CMC2: variants seen among roughly 807,000 people sequenced by gnomAD.
The protein encoded by CMC2 is C-X9-C motif containing 2.
A neutral mutation model predicts 7.5 loss-of-function variants in CMC2; 5 were observed. The ratio of observed to expected loss-of-function variants is 0.66; its 90% CI spans 0.35 to 1.40. The LOEUF is 1.40. Among genes scored for constraint, CMC2 ranks in the 40% most tolerant of loss-of-function variants. The probability of loss-of-function intolerance (pLI) is 0.04; values close to 1 mark genes in which losing one functional copy is unlikely to be tolerated. For missense variants in CMC2, 115 were observed against 92.3 expected (o/e 1.25, Z -1.01); for synonymous variants, 37 against 31.4 (o/e 1.18, Z -0.60).
intron 1 of CMC2, among the ~76,000 whole-genome samples, chr16:81,003,032 C>T (rs181998267): frequency 6.6e-6 from 1 of 152,186 alleles, no homozygotes; most frequent in Admixed American, 6.5e-5. Flanking sequence ...TGTTCTTCCT[C>T]CCCTTGCCCT....
intron 1 of CMC2, among the ~76,000 whole-genome samples, chr16:80,999,707 A>C (rs1968713554): frequency 6.6e-6 from 1 of 152,242 alleles, no homozygotes; most frequent in African/African-American, 2.4e-5. Flanking sequence ...CTCCTACAAA[A>C]ACACACACAT....
chr16:80,977,431 G>A (rs964946113), intron 3 of CMC2, among the ~76,000 whole-genome samples: 1 of 152,056 alleles, frequency 6.6e-6, no homozygotes, highest in Non-Finnish European at 1.5e-5. Context: ...TTTTCCCCTG[G>A]GCAGAAGGGG....
In CMC2 at chr16:80,975,868, T is replaced by G; in HGVS notation, c.*225A>C. 4.8e-6 allele frequency: 2 copies of G among 420,958 alleles called. No homozygotes were observed. Among genetic ancestry groups the G allele is most frequent in the Non-Finnish European group, 8.4e-6 (2 of 237,120 alleles). 26.1% of individuals were successfully genotyped at this position (420,958 alleles called of 1,614,324 possible). The stretch of plus-strand genomic sequence containing the variant: ...ATTAACTGGTTGTAGGCAAAGGGAA[T>G]AAACATGGTGAAGTCAGGTTTGCTG... On this transcript the variant is annotated 3_prime_UTR_variant, in exon 4 of 4. Coordinates refer to ENST00000219400, the MANE Select transcript of CMC2 (RefSeq NM_020188.5).
chr16:80,979,514 T>A (rs969243112), intron 3 of CMC2, among the ~76,000 whole-genome samples: 1 of 152,104 alleles, frequency 6.6e-6, no homozygotes, highest in Non-Finnish European at 1.5e-5. Flanking sequence ...AAAAAACCTA[T>A]GTTATACAGC....
chr16:80,992,696 T>C (rs1463180087), intron 2 of CMC2, among the ~76,000 whole-genome samples: 1 of 129,242 alleles, frequency 7.7e-6, no homozygotes, highest in Admixed American at 9.6e-5. Context: ...TGGCCTCTTA[T>C]TCCCCCTCCT....
At chr16:80,999,093 A>T (rs1318334618) in intron 1 of CMC2, 1 of 152,186 alleles carries the variant, frequency 6.6e-6, no homozygotes, top group Non-Finnish European at 1.5e-5. Flanking sequence ...TTCCTAGCCA[A>T]AGCAATCAGT....
At chr16:81,006,306 C>T (rs576666540) in intron 1 of CMC2, among the ~76,000 whole-genome samples, 7 of 152,366 alleles carry the variant, frequency 4.6e-5, no homozygotes, top group East Asian at 1.9e-4. Flanking sequence ...CCGTTTTCTA[C>T]CCGCAAATTC....
At chr16:80,985,679 G>A (rs1268491431) in intron 2 of CMC2, among the ~76,000 whole-genome samples, 1 of 151,988 alleles carries the variant, frequency 6.6e-6, no homozygotes, top group East Asian at 1.9e-4. Context: ...TGCCACGAAG[G>A]AGAAAAGCTG....
At chr16:80,985,887 C>A (rs552852097) in intron 2 of CMC2, among the ~76,000 whole-genome samples, 1 of 102,298 alleles carries the variant, frequency 9.8e-6, no homozygotes, top group Admixed American at 1.4e-4. Context: ...AAATATCATT[C>A]TCCCATATAC....
At chr16:80,989,011 A>G (rs1967761877) in intron 2 of CMC2, among the ~76,000 whole-genome samples, 1 of 152,148 alleles carries the variant, frequency 6.6e-6, no homozygotes, top group African/African-American at 2.4e-5. Flanking sequence ...CCTAGAAGTG[A>G]TGTTGTGTCT....
At chr16:80,980,855 C>G in intron 3 of CMC2, 1 of 698,866 alleles carries the variant, frequency 1.4e-6, no homozygotes, top group Non-Finnish European at 2.6e-6. Context: ...CTACTGCACT[C>G]CAGCTTAGGT....
intron 1 of CMC2, among the ~76,000 whole-genome samples, chr16:80,999,382 G>A (rs1968678110): frequency 6.6e-6 from 1 of 152,098 alleles, no homozygotes; most frequent in Non-Finnish European, 1.5e-5. Context: ...TCTACAGGAA[G>A]AACTACAAAA....
intron 2 of CMC2, among the ~76,000 whole-genome samples, chr16:80,988,216 T>C (rs371942251): frequency 6.6e-6 from 1 of 152,074 alleles, no homozygotes; most frequent in African/African-American, 2.4e-5. Flanking sequence ...CCCCCCCAGA[T>C]ATAGACCTGC....
At chr16:80,977,045 A>G (rs780814139) in intron 3 of CMC2, among the ~76,000 whole-genome samples, 32 of 152,222 alleles carry the variant, frequency 2.1e-4, no homozygotes, top group Admixed American at 4.6e-4. Flanking sequence ...ACCAGCTCAC[A>G]TTGTATTTCT....
rs908953991 is a variant in CMC2, at chr16:80,973,868, T to C, written c.*2225A>G. On this transcript the variant is annotated 3_prime_UTR_variant, in exon 4 of 4. Coordinates refer to ENST00000219400, the MANE Select transcript of CMC2 (RefSeq NM_020188.5). ...ACCTAAAAACAGTAGGTGGTTTGAATATCCCATAAAAACGTACTCATATAT... is the reference window on the plus strand; with the variant it reads ...ACCTAAAAACAGTAGGTGGTTTGAACATCCCATAAAAACGTACTCATATAT... 4 of 152,194 alleles carry C rather than the reference T, an allele frequency of 2.6e-5. No individual in the cohort carries two copies. The highest frequency in any genetic ancestry group is 1.5e-5 in the Non-Finnish European group (1 of 68,042). 9.4% of individuals were successfully genotyped at this position (152,194 alleles called of 1,614,324 possible). A position where few individuals can be genotyped will look rare whatever the true frequency, so the allele number is the denominator to read the frequency against.
chr16:80,988,645 T>C (rs1252457667), intron 2 of CMC2: 4 of 695,808 alleles, frequency 5.7e-6, no homozygotes, highest in Non-Finnish European at 7.8e-6. Flanking sequence ...ATTACCAAAA[T>C]TAGGAAATTA....
intron 2 of CMC2, among the ~76,000 whole-genome samples, chr16:80,986,095 T>C (rs546151918): frequency 2.6e-5 from 4 of 152,128 alleles, no homozygotes; most frequent in African/African-American, 7.2e-5. Context: ...TGCCTGTAAT[T>C]CCAGCACTTT....
intron 3 of CMC2, chr16:80,978,421 TAAAAGGGGAG>T: frequency 8.0e-7 from 1 of 1,246,750 alleles, no homozygotes. Context: ...GGTCCCTGAA[TAAAAGGGGAG>T]AAAAGGATGA....
At position 80,968,628 on chromosome 16, in the gene CMC2, T is replaced by TTTTTACCAG. The variant is rs1911713899; in HGVS notation, c.*7464_*7465insCTGGTAAAA. ...AAGGTAAAATTTTATGTACAGGATA[T>TTTTTACCAG]CTGTTTCTGGTAAAATAGCTCATTA... is the stretch of plus-strand genomic sequence containing the variant. On this transcript the variant is annotated 3_prime_UTR_variant, in exon 4 of 4. Coordinates refer to ENST00000219400, the MANE Select transcript of CMC2 (RefSeq NM_020188.5). 1 of 152,188 alleles carries TTTTTACCAG rather than the reference T, an allele frequency of 6.6e-6. No individual in the cohort carries two copies. Among genetic ancestry groups the TTTTTACCAG allele is most frequent in the Admixed American group, 6.5e-5 (1 of 15,274 alleles). 9.4% of individuals were successfully genotyped at this position (152,188 alleles called of 1,614,324 possible).
Sources: allele counts gnomAD v4.1 joint callset (sites outside exome capture counted in the v4.1 genomes callset), GRCh38; gene constraint gnomAD v4.1.1; transcripts MANE v1.5; gene names NCBI Gene and HGNC (gene_info 2026-07-23, HGNC 2026-07-21).